Variants in SH3GL2 observed in about 807,000 individuals in gnomAD.
The protein encoded by SH3GL2 is endophilin-A1.
Under a neutral mutation model 46.0 loss-of-function variants are expected in SH3GL2, and 24 were observed. The ratio of observed to expected loss-of-function variants is 0.52; its 90% CI spans 0.38 to 0.73. SH3GL2 has a LOEUF of 0.73. Among genes scored for constraint, SH3GL2 ranks in the 30% least tolerant of loss-of-function variants. The probability of loss-of-function intolerance (pLI) is 0.00; values close to 1 mark genes in which losing one functional copy is unlikely to be tolerated. For missense variants in SH3GL2, 413 were observed against 424.2 expected, an observed-to-expected ratio of 0.97 and a Z score of 0.23; for synonymous variants, 196 against 147.1, an observed-to-expected ratio of 1.33 and a Z score of -2.40.
At chr9:17,781,722 A>G (rs1467069171) in intron 3 of SH3GL2, among the ~76,000 whole-genome samples, 3 of 152,068 alleles carry the variant, frequency 2.0e-5, no homozygotes, top group African/African-American at 7.2e-5. Flanking sequence ...CACTTGATCT[A>G]TCTCTGTTTT....
intron 1 of SH3GL2, among the ~76,000 whole-genome samples, chr9:17,581,076 G>A (rs922576648): frequency 1.3e-5 from 2 of 152,128 alleles, no homozygotes; most frequent in African/African-American, 4.8e-5. Flanking sequence ...TAGAACACAC[G>A]TATAAAGTGT....
At chr9:17,763,476 G>A (rs1295026087) in intron 3 of SH3GL2, among the ~76,000 whole-genome samples, 5 of 152,136 alleles carry the variant, frequency 3.3e-5, no homozygotes, top group Non-Finnish European at 7.3e-5. Context: ...AGGAAAGAAG[G>A]CCACGTGAAG....
chr9:17,658,232 C>T (rs1211660995), intron 1 of SH3GL2, among the ~76,000 whole-genome samples: 1 of 152,216 alleles, frequency 6.6e-6, no homozygotes, highest in Non-Finnish European at 1.5e-5. Context: ...TCTAGAGCAT[C>T]TGCCGTTGTC....
At chr9:17,653,035 G>A (rs962103622) in intron 1 of SH3GL2, among the ~76,000 whole-genome samples, 6 of 152,006 alleles carry the variant, frequency 3.9e-5, no homozygotes, top group African/African-American at 1.4e-4. Context: ...TTATCCCTCT[G>A]TGACATAATA....
intron 1 of SH3GL2, among the ~76,000 whole-genome samples, chr9:17,620,024 A>AT (rs11438052): frequency 0.023 from 3,565 of 152,084 alleles, 138 homozygotes; most frequent in African/African-American, 0.08. Context: ...ATTTAGTATG[A>AT]TTTTTTTTAA....
chr9:17,759,357 C>G (rs1000640153), intron 2 of SH3GL2, among the ~76,000 whole-genome samples: 1 of 152,220 alleles, frequency 6.6e-6, no homozygotes, highest in Non-Finnish European at 1.5e-5. Flanking sequence ...TGCTGTTTCA[C>G]CGGCTACTGC....
At chr9:17,764,571 T>C (rs1334518323) in intron 3 of SH3GL2, among the ~76,000 whole-genome samples, 1 of 152,252 alleles carries the variant, frequency 6.6e-6, no homozygotes, top group African/African-American at 2.4e-5. Context: ...GGACAGGGCC[T>C]GATGCCAAGT....
chr9:17,638,998 C>A (rs545969937), intron 1 of SH3GL2, among the ~76,000 whole-genome samples: 1 of 152,238 alleles, frequency 6.6e-6, no homozygotes, highest in South Asian at 2.1e-4. Flanking sequence ...CTTTAAAATT[C>A]TGATTAAGAA....
At chr9:17,717,662 A>G (rs1821795486) in intron 1 of SH3GL2, among the ~76,000 whole-genome samples, 1 of 152,142 alleles carries the variant, frequency 6.6e-6, no homozygotes, top group Admixed American at 6.6e-5. Context: ...AGAGAAGTTA[A>G]ATGATACAGC....
chr9:17,714,235 T>C (rs1821697075), intron 1 of SH3GL2, among the ~76,000 whole-genome samples: 1 of 151,674 alleles, frequency 6.6e-6, no homozygotes, highest in Admixed American at 6.6e-5. Flanking sequence ...TCCTAACCTA[T>C]TAGTATCTTT....
At chr9:17,766,729 C>G (rs966616502) in intron 3 of SH3GL2, among the ~76,000 whole-genome samples, 1 of 151,898 alleles carries the variant, frequency 6.6e-6, no homozygotes, top group African/African-American at 2.4e-5. Context: ...CAGCACATTT[C>G]AATTTGGACT....
At chr9:17,591,496 C>T (rs1050373987) in intron 1 of SH3GL2, among the ~76,000 whole-genome samples, 1 of 151,994 alleles carries the variant, frequency 6.6e-6, no homozygotes, top group Non-Finnish European at 1.5e-5. Context: ...ACATAAATTG[C>T]TTGTCACATT....
At chr9:17,777,880 A>G (rs762797531) in intron 3 of SH3GL2, among the ~76,000 whole-genome samples, 9 of 151,988 alleles carry the variant, frequency 5.9e-5, no homozygotes, top group Non-Finnish European at 1.2e-4. Flanking sequence ...TACCTTTTTT[A>G]CATTCATCAC....
intron 1 of SH3GL2, among the ~76,000 whole-genome samples, chr9:17,731,458 A>T (rs1189105557): frequency 1.4e-5 from 2 of 142,866 alleles, no homozygotes; most frequent in African/African-American, 5.3e-5. Context: ...AGAGACAGAC[A>T]GAGAGAGAGA....
intron 1 of SH3GL2, among the ~76,000 whole-genome samples, chr9:17,604,012 C>T (rs922136103): frequency 2.6e-5 from 4 of 152,064 alleles, no homozygotes; most frequent in African/African-American, 4.8e-5. Context: ...AGTCAGTCTC[C>T]GATATGTTGT....
intron 1 of SH3GL2, among the ~76,000 whole-genome samples, chr9:17,661,190 A>G (rs943716108): frequency 7.9e-5 from 12 of 151,980 alleles, no homozygotes; most frequent in Non-Finnish European, 1.8e-4. Flanking sequence ...CAAAAACAAA[A>G]TTAATGTTCA....
intron 1 of SH3GL2, among the ~76,000 whole-genome samples, chr9:17,630,129 G>A (rs1819385522): frequency 6.6e-6 from 1 of 152,116 alleles, no homozygotes; most frequent in Admixed American, 6.6e-5. Flanking sequence ...CATGTTCTTA[G>A]AATCTAACAT....
intron 2 of SH3GL2, among the ~76,000 whole-genome samples, chr9:17,752,843 G>A (rs1588302317): frequency 6.6e-6 from 1 of 151,814 alleles, no homozygotes. Context: ...TATTTTTCCC[G>A]ATTGTCTCCC....
intron 1 of SH3GL2, among the ~76,000 whole-genome samples, chr9:17,692,576 C>T (rs1012885828): frequency 2.6e-5 from 4 of 151,278 alleles, no homozygotes; most frequent in African/African-American, 7.3e-5. Context: ...AGACAAGAGA[C>T]GGAGGTTACA....
Sources: gnomAD v4.1 joint callset for allele counts (sites outside exome capture counted in the v4.1 genomes callset) on GRCh38, gnomAD v4.1.1 for gene constraint, MANE v1.5 for transcripts, NCBI Gene and HGNC (gene_info 2026-07-23, HGNC 2026-07-21) for gene names.